The following LRMDA variants were observed in gnomAD, a reference collection of about 807,000 sequenced individuals.
LRMDA encodes the protein leucine-rich melanocyte differentiation-associated protein.
In LRMDA, 18 loss-of-function variants were observed where a neutral mutation model predicts 29.8. The ratio of observed to expected loss-of-function variants is 0.60; its 90% CI spans 0.42 to 0.90. The LOEUF is 0.90. LRMDA is among the 40% of genes least tolerant of loss of function. LRMDA has a pLI of 0.00. For missense variants in LRMDA, 273 were observed against 273.9 expected (o/e 1.00, Z 0.02); for synonymous variants, 125 against 109.4 (o/e 1.14, Z -0.89).
chr10:75,802,613 TG>T (rs1379444524), intron 2 of LRMDA, among the ~76,000 whole-genome samples: 2 of 152,072 alleles, frequency 1.3e-5, no homozygotes, highest in Admixed American at 6.6e-5. Context: ...AGGGTAGTGT[TG>T]TTTTTTTTTT....
chr10:75,990,981 C>T (rs749818670), intron 2 of LRMDA, among the ~76,000 whole-genome samples: 1 of 152,152 alleles, frequency 6.6e-6, no homozygotes, highest in Non-Finnish European at 1.5e-5. Flanking sequence ...AGCAGTTGAA[C>T]TTCCCTGGAC....
chr10:75,925,009 G>A (rs111396800), intron 2 of LRMDA, among the ~76,000 whole-genome samples: 7 of 152,228 alleles, frequency 4.6e-5, no homozygotes, highest in Admixed American at 6.5e-5. Flanking sequence ...TGCCTTGGCC[G>A]ATTTCTGGCT....
At chr10:75,876,026 G>T (rs74146924) in intron 2 of LRMDA, among the ~76,000 whole-genome samples, 4 of 152,046 alleles carry the variant, frequency 2.6e-5, no homozygotes, top group African/African-American at 9.7e-5. Flanking sequence ...GGTAGGACAT[G>T]AGGCCTGATT....
At chr10:75,536,317 T>C (rs1050889449) in intron 2 of LRMDA, among the ~76,000 whole-genome samples, 2 of 152,222 alleles carry the variant, frequency 1.3e-5, no homozygotes, top group African/African-American at 4.8e-5. Flanking sequence ...TTCTCAAACA[T>C]GCCCCCTGGC....
intron 6 of LRMDA, among the ~76,000 whole-genome samples, chr10:76,526,339 A>G (rs1488546748): frequency 6.6e-6 from 1 of 152,158 alleles, no homozygotes; most frequent in African/African-American, 2.4e-5. Context: ...CTGTCCTACT[A>G]CCTTTTCAGC....
At chr10:76,298,483 C>G (rs552593223) in intron 5 of LRMDA, among the ~76,000 whole-genome samples, 46 of 152,314 alleles carry the variant, frequency 3.0e-4, no homozygotes, top group African/African-American at 8.4e-4. Context: ...AGGCCTGGTA[C>G]TAGTGCCTAA....
intron 5 of LRMDA, among the ~76,000 whole-genome samples, chr10:76,252,498 G>C (rs1308919449): frequency 6.6e-6 from 1 of 152,186 alleles, no homozygotes; most frequent in East Asian, 1.9e-4. Context: ...ACACCACACA[G>C]AGGGGAGGAC....
intron 6 of LRMDA, among the ~76,000 whole-genome samples, chr10:76,443,250 G>T (rs771255066): frequency 1.3e-5 from 2 of 152,088 alleles, no homozygotes; most frequent in Non-Finnish European, 2.9e-5. Flanking sequence ...GGTTTAAGGG[G>T]GCTTTCTATT....
intron 5 of LRMDA, among the ~76,000 whole-genome samples, chr10:76,281,663 T>G (rs905120481): frequency 6.6e-6 from 1 of 152,174 alleles, no homozygotes; most frequent in African/African-American, 2.4e-5. Flanking sequence ...CTTATTTCCA[T>G]GTAGATCTAT....
At chr10:75,873,022 A>G (rs1224566277) in intron 2 of LRMDA, among the ~76,000 whole-genome samples, 1 of 152,136 alleles carries the variant, frequency 6.6e-6, no homozygotes, top group Non-Finnish European at 1.5e-5. Context: ...AAATAATATA[A>G]TCATGCTTTT....
intron 6 of LRMDA, among the ~76,000 whole-genome samples, chr10:76,544,040 G>A (rs1293193440): frequency 6.6e-6 from 1 of 152,122 alleles, no homozygotes; most frequent in East Asian, 1.9e-4. Flanking sequence ...TTCTTCTCCT[G>A]AACTCACCAC....
chr10:75,926,327 G>T (rs779600423), intron 2 of LRMDA, among the ~76,000 whole-genome samples: 1 of 152,168 alleles, frequency 6.6e-6, no homozygotes, highest in Non-Finnish European at 1.5e-5. Flanking sequence ...AACAGTGGCA[G>T]GAGGATCTTT....
chr10:76,511,747 A>C, intron 6 of LRMDA, among the ~76,000 whole-genome samples: 1 of 151,994 alleles, frequency 6.6e-6, no homozygotes. Flanking sequence ...TAGAAAGTCC[A>C]TATTCATGAA....
intron 2 of LRMDA, among the ~76,000 whole-genome samples, chr10:75,939,193 G>T (rs1846347487): frequency 6.6e-6 from 1 of 152,150 alleles, no homozygotes; most frequent in South Asian, 2.1e-4. Flanking sequence ...GGACCTGTGT[G>T]GGAACCAGAT....
intron 5 of LRMDA, among the ~76,000 whole-genome samples, chr10:76,254,325 C>CATACCATACT (rs1398023179): frequency 9.3e-4 from 129 of 138,790 alleles, no homozygotes; most frequent in African/African-American, 4.1e-3. Context: ...CATACCATAC[C>CATACCATACT]ATACCATACC....
chr10:76,425,194 G>A (rs1842111373), intron 6 of LRMDA, among the ~76,000 whole-genome samples: 2 of 152,086 alleles, frequency 1.3e-5, no homozygotes, highest in African/African-American at 4.8e-5. Flanking sequence ...ATCACATTAT[G>A]TACACTTTAA....
chr10:76,481,200 C>A (rs1176338811), intron 6 of LRMDA, among the ~76,000 whole-genome samples: 1 of 151,854 alleles, frequency 6.6e-6, no homozygotes, highest in African/African-American at 2.4e-5. Context: ...CGTATATTTT[C>A]TTTATTCAAC....
intron 2 of LRMDA, among the ~76,000 whole-genome samples, chr10:75,440,050 A>G (rs1365216122): frequency 6.6e-6 from 1 of 151,512 alleles, no homozygotes; most frequent in Admixed American, 6.6e-5. Context: ...CATGTGGATC[A>G]TGGGACTGGG....
chr10:76,092,520 T>G (rs1849246851), intron 5 of LRMDA, among the ~76,000 whole-genome samples: 2 of 152,304 alleles, frequency 1.3e-5, no homozygotes, highest in South Asian at 2.1e-4. Context: ...CTCCCCAGAG[T>G]GCTGCAGCAG....
Sources: allele counts gnomAD v4.1 joint callset (sites outside exome capture counted in the v4.1 genomes callset), GRCh38; gene constraint gnomAD v4.1.1; transcripts MANE v1.5; gene names NCBI Gene and HGNC (gene_info 2026-07-23, HGNC 2026-07-21).